The following PTPRN2 variants were observed in gnomAD, a reference collection of about 807,000 sequenced individuals.
PTPRN2 encodes protein tyrosine phosphatase receptor type N2.
A neutral mutation model predicts 118.8 loss-of-function variants in PTPRN2; 74 were observed. That is an observed-to-expected ratio of 0.62 (90% CI 0.52 to 0.76). The LOEUF (loss-of-function observed/expected upper bound fraction) is 0.76. Ranked by LOEUF, PTPRN2 falls within the 30% of genes least tolerant of loss-of-function variation. PTPRN2 has a pLI of 0.00. For missense variants in PTPRN2, 1,481 were observed against 1,394.4 expected, an observed-to-expected ratio of 1.06 and a Z score of -0.99; for synonymous variants, 641 against 608.0, an observed-to-expected ratio of 1.05 and a Z score of -0.80.
At chr7:157,799,009 CCCT>C (rs1805055440) in intron 12 of PTPRN2, among the ~76,000 whole-genome samples, 1 of 152,332 alleles carries the variant, frequency 6.6e-6, no homozygotes, top group South Asian at 2.1e-4. Flanking sequence ...GGGTGCTGCC[CCCT>C]CCTCCTTTCT....
chr7:158,399,845 C>A (rs568036923), intron 2 of PTPRN2, among the ~76,000 whole-genome samples: 2 of 152,166 alleles, frequency 1.3e-5, no homozygotes, highest in Non-Finnish European at 2.9e-5. Context: ...GGTATTTAAA[C>A]GCTCACTCCT....
intron 20 of PTPRN2, among the ~76,000 whole-genome samples, chr7:157,570,800 C>T (rs996776918): frequency 3.9e-5 from 6 of 152,160 alleles, no homozygotes; most frequent in East Asian, 1.9e-4. Context: ...CTCTGCTGGA[C>T]GTCCTGGTGG....
intron 12 of PTPRN2, among the ~76,000 whole-genome samples, chr7:157,683,715 G>A (rs1031971501): frequency 6.6e-6 from 1 of 152,140 alleles, no homozygotes; most frequent in Non-Finnish European, 1.5e-5. Flanking sequence ...AGCCCTTTCG[G>A]TGCATTTCAC....
At chr7:158,110,524 G>A (rs188118980) in intron 10 of PTPRN2, among the ~76,000 whole-genome samples, 33 of 152,310 alleles carry the variant, frequency 2.2e-4, no homozygotes, top group Middle Eastern at 3.4e-3. Context: ...CCCTCCAGAG[G>A]CTCCCACACA....
rs1047047176 is a variant in PTPRN2, at chr7:157,874,074, C to T, written c.1788+24599G>A. Among the ~76,000 whole-genome samples the T allele has an allele frequency of 2.0e-5, 3 of 152,198 alleles. No homozygotes were observed. Among genetic ancestry groups the T allele is most frequent in the African/African-American group, 2.4e-5 (1 of 41,460 alleles). On this transcript the variant is annotated intron_variant, in intron 12 of 22. Transcript: ENST00000389418. This position sits in a 1 kb window ranked among gnomAD's most constrained non-coding sequence, Gnocchi z 5.8. ...GGCCTGGCACAGCTCAGTGGTGGCA[C>T]GTCACATCACACATCTTCAGACCAG...
In PTPRN2 at chr7:157,724,619, C is replaced by T. The variant is rs572230798; in HGVS notation, c.1789-41682G>A. Among the ~76,000 whole-genome samples the T allele has an allele frequency of 4.6e-5, 7 of 152,322 alleles. No individual in the cohort carries two copies. In the East Asian group the frequency reaches 9.6e-4, roughly 21 times the overall value. The stretch of plus-strand genomic sequence containing the variant: ...TCACAGCTCAGCCCAGCCTGCCTTA[C>T]GTGTGCTCAGAACACTCATGCAAGC... On this transcript the variant is annotated intron_variant, in intron 12 of 22. Transcript: ENST00000389418.
At chr7:158,061,709 C>T (rs570937925) in intron 11 of PTPRN2, among the ~76,000 whole-genome samples, 1 of 152,360 alleles carries the variant, frequency 6.6e-6, no homozygotes, top group Non-Finnish European at 1.5e-5. Flanking sequence ...TGTCCTTCAT[C>T]ACCGGTCCCC....
intron 11 of PTPRN2, among the ~76,000 whole-genome samples, chr7:157,911,837 C>T (rs1435334945): frequency 7.2e-6 from 1 of 138,226 alleles, no homozygotes; most frequent in African/African-American, 2.4e-5. Flanking sequence ...ATAACATACA[C>T]GTTCTGTGAT....
rs1008058389 is a variant in PTPRN2, at chr7:158,057,563, C to T, written c.1723+23735G>A. Among the ~76,000 whole-genome samples the T allele has an allele frequency of 1.3e-3, 197 of 152,314 alleles. 3 individuals are homozygous for T. The highest frequency in any genetic ancestry group is 5.2e-4 in the Admixed American group (8 of 15,304). On this transcript the variant is annotated intron_variant, in intron 11 of 22. Transcript: ENST00000389418. ...GTCTGTGTTTGGGAAACACACGTAA[C>T]GCTGTGGCACTGTGGCCTGGAGTGG...
intron 3 of PTPRN2, among the ~76,000 whole-genome samples, chr7:158,247,789 T>C (rs1563033969): frequency 6.6e-6 from 1 of 152,096 alleles, no homozygotes; most frequent in Non-Finnish European, 1.5e-5. Context: ...GGTAACTTTG[T>C]AATTTTAGTA....
intron 2 of PTPRN2, among the ~76,000 whole-genome samples, chr7:158,363,966 GAC>G (rs1809220965): frequency 2.6e-5 from 4 of 152,122 alleles, no homozygotes; most frequent in Admixed American, 2.6e-4. Context: ...CACATGGGGA[GAC>G]ACACACACGC....
At chr7:157,776,289 G>GTCCTCCTTCTCCCTC (rs1803231683) in intron 12 of PTPRN2, among the ~76,000 whole-genome samples, 1 of 78,900 alleles carries the variant, frequency 1.3e-5, no homozygotes, top group Non-Finnish European at 2.3e-5. Flanking sequence ...CCTCCTCCCT[G>GTCCTCCTTCTCCCTC]TCCTCCTTCT....
intron 2 of PTPRN2, among the ~76,000 whole-genome samples, chr7:158,343,315 C>T (rs1392044784): frequency 3.3e-5 from 5 of 152,178 alleles, no homozygotes; most frequent in East Asian, 1.9e-4. Context: ...GCATCACCAG[C>T]GTCAAGGCAA....
chr7:157,663,195 G>C (rs1255211873), intron 13 of PTPRN2, among the ~76,000 whole-genome samples: 1 of 152,148 alleles, frequency 6.6e-6, no homozygotes, highest in African/African-American at 2.4e-5. Context: ...AGGTACGGCA[G>C]GGGTGGCAAG....
chr7:158,428,764 G>A (rs933971156), intron 2 of PTPRN2, among the ~76,000 whole-genome samples: 1 of 152,136 alleles, frequency 6.6e-6, no homozygotes, highest in Non-Finnish European at 1.5e-5. Context: ...TTCCTTCCTG[G>A]TTCTGATGGG....
chr7:157,894,581 C>T, intron 12 of PTPRN2, among the ~76,000 whole-genome samples: 1 of 110,178 alleles, frequency 9.1e-6, no homozygotes, highest in Non-Finnish European at 1.9e-5. Context: ...GGTGTGAGTT[C>T]CTGTGGAAGC....
At chr7:157,769,279 C>T (rs941994104) in intron 12 of PTPRN2, among the ~76,000 whole-genome samples, 1 of 152,152 alleles carries the variant, frequency 6.6e-6, no homozygotes, top group African/African-American at 2.4e-5. Flanking sequence ...AGGCTTAAGG[C>T]GCTGGTCTGA....
chr7:158,443,811 G>C (rs1433418820), intron 2 of PTPRN2, among the ~76,000 whole-genome samples: 1 of 152,176 alleles, frequency 6.6e-6, no homozygotes, highest in South Asian at 2.1e-4. Context: ...AGGCTCTGGG[G>C]GTCCTTGTCT....
intron 17 of PTPRN2, among the ~76,000 whole-genome samples, chr7:157,589,838 C>T (rs1049783083): frequency 5.9e-5 from 9 of 152,198 alleles, no homozygotes; most frequent in African/African-American, 1.9e-4. Flanking sequence ...AGACGCCAGC[C>T]GAGGCCAAGT....
Sources: gnomAD v4.1 joint callset for allele counts (sites outside exome capture counted in the v4.1 genomes callset) on GRCh38, gnomAD v4.1.1 for gene constraint, Gnocchi (gnomAD v3.1) non-coding constraint, MANE v1.5 for transcripts, NCBI Gene and HGNC (gene_info 2026-07-23, HGNC 2026-07-21) for gene names.